The following C4orf50 variants were observed in gnomAD, a reference collection of about 807,000 sequenced individuals.
The protein encoded by C4orf50 is chromosome 4 open reading frame 50.
Under a neutral mutation model 77.2 loss-of-function variants are expected in C4orf50, and 80 were observed. The ratio of observed to expected loss-of-function variants is 1.04; its 90% CI spans 0.87 to 1.25. C4orf50 has a LOEUF of 1.25. Ranked by LOEUF, C4orf50 falls within the 50% of genes most tolerant of loss-of-function variation. The pLI, the probability that C4orf50 is intolerant of heterozygous loss-of-function variation, is 0.00. For synonymous variants in C4orf50, 532 were observed against 465.3 expected (o/e 1.14, Z -1.84); for missense variants, 1,257 against 1,152.9 (o/e 1.09, Z -1.31).
At chr4:5,988,242 A>G (rs997946802) in intron 28 of C4orf50, 105 bp downstream of exon 6, 7 of 1,437,970 alleles carry the variant, frequency 4.9e-6, no homozygotes, top group Non-Finnish European at 6.6e-6. Flanking sequence ...GGGGAGGATG[A>G]TTGTACCTCC....
At chr4:5,926,415 C>T (rs1717513261) in intron 7 of C4orf50, among the ~76,000 whole-genome samples, 1 of 152,164 alleles carries the variant, frequency 6.6e-6, no homozygotes, top group Non-Finnish European at 1.5e-5. Context: ...AGTGGACCGC[C>T]GGATGTCAGT....
exon 28 of C4orf50, chr4:5,990,554 T>G (rs1721209838): frequency 2.5e-6 from 1 of 399,080 alleles, no homozygotes; most frequent in Non-Finnish European, 4.4e-6. Flanking sequence ...GGGGACCTGG[T>G]GGCCAACTCT....
In C4orf50 at chr4:5,916,892, G is replaced by A. The variant is rs548223671; in HGVS notation, c.*2475-18704C>T. Reference sequence around the variant, plus strand: ...GCACTGCAGCTGAGAGCAGAGGCAGGCTGGGGACAGTGCCATCGGGCCCAA... The same window carrying A: ...GCACTGCAGCTGAGAGCAGAGGCAGACTGGGGACAGTGCCATCGGGCCCAA... On this transcript the variant is annotated intron_variant, in intron 7 of 7. Transcript: ENST00000324058. The surrounding 1 kb of genome is among the most constrained non-coding windows in gnomAD (Gnocchi z 4.4). Among the ~76,000 whole-genome samples, 1 of 152,296 alleles carries A rather than the reference G, an allele frequency of 6.6e-6. No individual in the cohort carries two copies. The highest frequency in any genetic ancestry group is 2.4e-5 in the African/African-American group (1 of 41,578).
At chr4:5,935,992 C>T (rs993807000) in intron 7 of C4orf50, among the ~76,000 whole-genome samples, 7 of 151,912 alleles carry the variant, frequency 4.6e-5, no homozygotes, top group Non-Finnish European at 1.5e-5. Flanking sequence ...TTGGATACGG[C>T]ACTTATGATG....
At chr4:5,924,762 C>A (rs910719003) in intron 7 of C4orf50, among the ~76,000 whole-genome samples, 1 of 152,150 alleles carries the variant, frequency 6.6e-6, no homozygotes, top group Non-Finnish European at 1.5e-5. Flanking sequence ...CAATATGAAG[C>A]GGCTTTATAG....
At position 6,009,182 on chromosome 4, in the gene C4orf50, A is replaced by G. The variant is rs1435932857; in HGVS notation, c.427-650T>C. On this transcript the variant is annotated intron_variant, in intron 24 of 33. Transcript: ENST00000531445. This position sits in a 1 kb window ranked among gnomAD's most constrained non-coding sequence, Gnocchi z 5.6. ...TCTGACTCAGGCCTTTTCTTCTTTCATCTGCCCACCTGCCTGGCCTGGGAA... is the reference window on the plus strand; with the variant it reads ...TCTGACTCAGGCCTTTTCTTCTTTCGTCTGCCCACCTGCCTGGCCTGGGAA... Among the ~76,000 whole-genome samples, 3 of 152,092 alleles carry G rather than the reference A, an allele frequency of 2.0e-5. No homozygotes were observed. Among genetic ancestry groups the G allele is most frequent in the Non-Finnish European group, 4.4e-5 (3 of 68,006 alleles).
chr4:5,999,062 G>A (rs990998304), intron 25 of C4orf50, among the ~76,000 whole-genome samples: 1 of 152,222 alleles, frequency 6.6e-6, no homozygotes, highest in Non-Finnish European at 1.5e-5. Flanking sequence ...GAATCCTCCA[G>A]ACTACAGGTT....
At position 6,007,758 on chromosome 4, in the gene C4orf50, G is replaced by C. The variant is rs1722304402; in HGVS notation, c.963+238C>G. Among the ~76,000 whole-genome samples, 1 of 145,990 alleles carries C rather than the reference G, an allele frequency of 6.8e-6. No individual in the cohort carries two copies. Among genetic ancestry groups the C allele is most frequent in the Non-Finnish European group, 1.5e-5 (1 of 67,160 alleles). On this transcript the variant is annotated intron_variant, in intron 25 of 33. Transcript: ENST00000531445. The surrounding 1 kb of genome is among the most constrained non-coding windows in gnomAD (Gnocchi z 4.1). ...GCATCTGAGGATGGACAGGTGAGTG[G>C]ACACGGTTGGTGGATGGGTAATGAG...
At chr4:5,927,988 G>A (rs759787466) in intron 7 of C4orf50, among the ~76,000 whole-genome samples, 2 of 152,112 alleles carry the variant, frequency 1.3e-5, no homozygotes, top group African/African-American at 4.8e-5. Context: ...AAGCTCCACC[G>A]CACAGGAGGC....
chr4:5,955,272 A>G (rs1216590204), downstream of C4orf50, among the ~76,000 whole-genome samples: 1 of 152,008 alleles, frequency 6.6e-6, no homozygotes, highest in African/African-American at 2.4e-5. The surrounding 1 kb of genome is among the most constrained non-coding windows in gnomAD (Gnocchi z 5.1). Flanking sequence ...GAGGCAGGCA[A>G]CCCCATTTTA....
chr4:5,959,230 A>G, exon 34 of C4orf50: 1 of 964,108 alleles, frequency 1.0e-6, no homozygotes, highest in Non-Finnish European at 1.5e-6. Context: ...CTGACAATGA[A>G]CACAAAATCC....
At chr4:5,953,634 C>T (rs1411110595), downstream of C4orf50, among the ~76,000 whole-genome samples, 4 of 152,188 alleles carry the variant, frequency 2.6e-5, no homozygotes, top group Non-Finnish European at 5.9e-5. Flanking sequence ...GGGAGAGTGC[C>T]AGCCTCCTGA....
chr4:5,950,556 T>C (rs190625382), intron 7 of C4orf50, among the ~76,000 whole-genome samples: 173 of 152,172 alleles, frequency 1.1e-3, no homozygotes, highest in Non-Finnish European at 1.1e-3. Flanking sequence ...TTTTACTCGC[T>C]GAGTTCTCCT....
intron 7 of C4orf50, among the ~76,000 whole-genome samples, chr4:5,924,651 G>A (rs1717432673): frequency 6.6e-6 from 1 of 152,214 alleles, no homozygotes; most frequent in Admixed American, 6.5e-5. Context: ...TGCCATCAGA[G>A]TGGCTGGCCG....
At chr4:5,961,803 T>G (rs1054097104) in intron 33 of C4orf50, among the ~76,000 whole-genome samples, 1 of 151,190 alleles carries the variant, frequency 6.6e-6, no homozygotes, top group Non-Finnish European at 1.5e-5. Flanking sequence ...GTCTGTATAC[T>G]CTAAAGCTCT....
intron 7 of C4orf50, among the ~76,000 whole-genome samples, chr4:5,924,281 A>G (rs1717413617): frequency 6.6e-6 from 1 of 152,200 alleles, no homozygotes; most frequent in African/African-American, 2.4e-5. Flanking sequence ...ACCCTGACTA[A>G]TACAAGAGCC....
chr4:6,003,114 G>A (rs956896907), intron 25 of C4orf50, among the ~76,000 whole-genome samples: 2 of 151,858 alleles, frequency 1.3e-5, no homozygotes, highest in Non-Finnish European at 2.9e-5. Context: ...TCCCCAGATG[G>A]CCCTTTGCAC....
rs1277607811 is a variant in C4orf50 at position 6,000,458 on chromosome 4, T to G, written c.964-5982A>C. On this transcript the variant is annotated intron_variant, in intron 25 of 33. Transcript: ENST00000531445. The surrounding 1 kb of genome is among the most constrained non-coding windows in gnomAD (Gnocchi z 6.0). ...GAATTCTTCCTTTCCAGGCAGCCCT[T>G]TTTGACCTCAAGATGCTGTTTGTGG... Among the ~76,000 whole-genome samples, 1 of 152,162 alleles carries G rather than the reference T, an allele frequency of 6.6e-6. No homozygotes were observed. The highest frequency in any genetic ancestry group is 1.5e-5 in the Non-Finnish European group (1 of 68,012).
chr4:5,955,219 G>T (rs768429844), downstream of C4orf50, among the ~76,000 whole-genome samples: 4 of 152,110 alleles, frequency 2.6e-5, no homozygotes, highest in South Asian at 2.1e-4. This position sits in a 1 kb window ranked among gnomAD's most constrained non-coding sequence, Gnocchi z 5.1. Context: ...CTCCTTGAGC[G>T]CTTCACAGAT....
Sources: allele counts gnomAD v4.1 joint callset (sites outside exome capture counted in the v4.1 genomes callset), GRCh38; gene constraint gnomAD v4.1.1; non-coding constraint Gnocchi (gnomAD v3.1); transcripts MANE v1.5; gene names NCBI Gene and HGNC (gene_info 2026-07-23, HGNC 2026-07-21).